DEPDC4: variants seen among roughly 807,000 people sequenced by gnomAD.
DEPDC4 encodes the protein DEP domain containing 4.
DEPDC4 carries 52 observed loss-of-function variants against 52.0 expected under a neutral mutation model. That is an observed-to-expected ratio of 1.00 (90% CI 0.80 to 1.26). The LOEUF is 1.26. Among genes scored for constraint, DEPDC4 ranks in the 50% most tolerant of loss-of-function variants. The probability of loss-of-function intolerance (pLI) is 0.00; values close to 1 mark genes in which losing one functional copy is unlikely to be tolerated. For missense variants in DEPDC4, 530 were observed against 546.9 expected, an observed-to-expected ratio of 0.97 and a Z score of 0.31; for synonymous variants, 201 against 196.8, an observed-to-expected ratio of 1.02 and a Z score of -0.18.
upstream of DEPDC4, among the ~76,000 whole-genome samples, chr12:100,270,976 C>G (rs967634104): frequency 4.6e-5 from 7 of 151,746 alleles, no homozygotes; most frequent in African/African-American, 1.7e-4. Flanking sequence ...TAAAATCAGG[C>G]TTGTCTTCTG....
intron 3 of DEPDC4, among the ~76,000 whole-genome samples, chr12:100,258,147 A>G (rs1042505555): frequency 5.9e-5 from 9 of 152,194 alleles, no homozygotes; most frequent in African/African-American, 1.9e-4. Flanking sequence ...TAAAACAAAA[A>G]CAGGATGCCA....
the DEPDC4 span, among the ~76,000 whole-genome samples, chr12:100,281,925 T>G: frequency 6.6e-6 from 1 of 152,062 alleles, no homozygotes; most frequent in East Asian, 1.9e-4. Context: ...GTTTTTAATG[T>G]GAAGTGATCA....
chr12:100,249,912 C>T (rs1378004862), intron 7 of DEPDC4, among the ~76,000 whole-genome samples: 1 of 152,118 alleles, frequency 6.6e-6, no homozygotes, highest in Non-Finnish European at 1.5e-5. Context: ...ATACATAATA[C>T]ATATAATCTC....
At chr12:100,232,078 A>G (rs2096135540) in intron 9 of DEPDC4, among the ~76,000 whole-genome samples, 1 of 152,212 alleles carries the variant, frequency 6.6e-6, no homozygotes, top group Non-Finnish European at 1.5e-5. Flanking sequence ...TAGAAACTTG[A>G]GTCAGTGAAC....
intron 9 of DEPDC4, among the ~76,000 whole-genome samples, chr12:100,232,683 A>G (rs1305356003): frequency 2.0e-5 from 3 of 152,126 alleles, no homozygotes; most frequent in Non-Finnish European, 4.4e-5. Context: ...CGGGAGTTTG[A>G]GACCAGCCTG....
chr12:100,269,848 G>A (rs2096285483), upstream of DEPDC4, among the ~76,000 whole-genome samples: 1 of 152,154 alleles, frequency 6.6e-6, no homozygotes, highest in Admixed American at 6.5e-5. Context: ...CCAAAGGTTT[G>A]AGATACTACC....
chr12:100,275,542 T>G, the DEPDC4 span, among the ~76,000 whole-genome samples: 1 of 152,252 alleles, frequency 6.6e-6, no homozygotes, highest in Non-Finnish European at 1.5e-5. Context: ...TTCTACTATA[T>G]TGCCAAACTC....
At chr12:100,243,785 C>T (rs1450862884) in intron 8 of DEPDC4, among the ~76,000 whole-genome samples, 1 of 152,014 alleles carries the variant, frequency 6.6e-6, no homozygotes, top group Non-Finnish European at 1.5e-5. Context: ...CTTCATTTCT[C>T]TACCCATTCT....
intron 9 of DEPDC4, among the ~76,000 whole-genome samples, chr12:100,233,710 G>A (rs1412464654): frequency 1.3e-5 from 2 of 152,078 alleles, no homozygotes; most frequent in Admixed American, 6.5e-5. Flanking sequence ...TGGTTTTTGT[G>A]TTCCAAAAAT....
intron 9 of DEPDC4, 21 bp from the exon 10 acceptor site, chr12:100,241,866 CAAAAGAA>C (rs1346260031): frequency 1.4e-4 from 129 of 906,756 alleles, no homozygotes; most frequent in South Asian, 1.9e-4. Flanking sequence ...AAAAAAAAAA[CAAAAGAA>C]AAAGAAAAGT....
the DEPDC4 span, among the ~76,000 whole-genome samples, chr12:100,278,415 A>T: frequency 6.6e-6 from 1 of 151,992 alleles, no homozygotes; most frequent in Non-Finnish European, 1.5e-5. Context: ...GCCTAGGCTC[A>T]TCTCGAACTG....
At chr12:100,270,219 C>T (rs2096286119), upstream of DEPDC4, among the ~76,000 whole-genome samples, 1 of 151,998 alleles carries the variant, frequency 6.6e-6, no homozygotes, top group Non-Finnish European at 1.5e-5. Context: ...ATCTCCTGAC[C>T]CTCGTGATCC....
rs34267654 is a variant in DEPDC4 at position 100,241,849 on chromosome 12, GA to G, written c.*47-5del. 0.13 allele frequency: 125,692 copies of G among 992,620 alleles called. 3,469 individuals carry two copies. Among genetic ancestry groups the G allele is most frequent in the African/African-American group, 0.37 (19,323 of 52,732 alleles). 61.5% of individuals were successfully genotyped at this position (992,620 alleles called of 1,614,324 possible). A position where few individuals can be genotyped will look rare whatever the true frequency, so the allele number is the denominator to read the frequency against. ...AAGGGTTGGCAAAACGTAAAGCCTG[GA>G]AAAAAAAAAAAAAAACAAAAGAAAA... On this transcript the variant is annotated splice_polypyrimidine_tract_variant and splice_region_variant and intron_variant, in intron 9 of 9. Coordinates refer to ENST00000550587, the MANE Select transcript of DEPDC4 (RefSeq NM_001364818.2).
In DEPDC4 at chr12:100,262,244, AAAT is replaced by A; in HGVS notation, c.700+17_700+19del. Reference sequence around the variant, plus strand: ...AGTTCTTCCTTACCATGTTCTGAAAAAATAATGAAAACAAATTACCTTCTTTTG... The same window carrying A: ...AGTTCTTCCTTACCATGTTCTGAAAAAATGAAAACAAATTACCTTCTTTTG... On this transcript the variant is annotated intron_variant, in intron 3 of 9. Transcript: ENST00000550587. The A allele has an allele frequency of 6.3e-7, 1 of 1,597,244 alleles. No homozygotes were observed. Among genetic ancestry groups the A allele is most frequent in the East Asian group, 2.2e-5 (1 of 44,596 alleles).
chr12:100,277,032 A>G, the DEPDC4 span, among the ~76,000 whole-genome samples: 1 of 152,046 alleles, frequency 6.6e-6, no homozygotes, highest in African/African-American at 2.4e-5. Context: ...TAATTTCCAT[A>G]TATTTGCAGT....
the DEPDC4 span, among the ~76,000 whole-genome samples, chr12:100,276,843 A>G: frequency 2.0e-5 from 3 of 151,934 alleles, no homozygotes; most frequent in Admixed American, 2.0e-4. Context: ...GGAAGCTTAG[A>G]CCATTATTTT....
At chr12:100,278,920 G>A in the DEPDC4 span, among the ~76,000 whole-genome samples, 1 of 152,092 alleles carries the variant, frequency 6.6e-6, no homozygotes, top group Non-Finnish European at 1.5e-5. Context: ...GAGCCACCGC[G>A]CCTGGCCAGT....
upstream of DEPDC4, among the ~76,000 whole-genome samples, chr12:100,270,964 T>C (rs2096286980): frequency 6.6e-6 from 1 of 152,024 alleles, no homozygotes; most frequent in Non-Finnish European, 1.5e-5. Context: ...TATGTTCGTT[T>C]TTAAAATCAG....
At position 100,253,676 on chromosome 12, in the gene DEPDC4, C is replaced by T; in HGVS notation, c.918G>A (p.Glu306=). ...TAACTATTAACTGGTCAGGGAAATA[C>T]TCCAAGCATTCAATTGCTGCATTAA... ...NWLNAAIECL[E]YFPDQLIVTV... is the part of the protein sequence containing the mutation. Residue 306 remains glutamate (E), a synonymous_variant, in exon 5 of 10, where the codon GAG becomes GAA. Coordinates refer to ENST00000550587, the MANE Select transcript of DEPDC4 (RefSeq NM_001364818.2). 7 of 1,289,882 alleles carry T rather than the reference C, an allele frequency of 5.4e-6. No individual in the cohort carries two copies. Among genetic ancestry groups the T allele is most frequent in the South Asian group, 1.2e-5 (1 of 80,928 alleles). The allele number at this position is 1,289,882 out of a possible 1,614,324, so 79.9% of individuals were successfully genotyped here.
Sources: allele counts gnomAD v4.1 joint callset (sites outside exome capture counted in the v4.1 genomes callset), GRCh38; gene constraint gnomAD v4.1.1; transcripts MANE v1.5; gene names NCBI Gene and HGNC (gene_info 2026-07-23, HGNC 2026-07-21).